The following HM13 variants were observed in gnomAD, a reference collection of about 807,000 sequenced individuals.
HM13 encodes signal peptide peptidase.
Under a neutral mutation model 50.0 loss-of-function variants are expected in HM13, and 18 were observed. The ratio of observed to expected loss-of-function variants is 0.36; its 90% CI spans 0.25 to 0.53. The LOEUF is 0.53. Among genes scored for constraint, HM13 ranks in the 20% least tolerant of loss-of-function variants. The probability of loss-of-function intolerance (pLI) is 0.90; values close to 1 mark genes in which losing one functional copy is unlikely to be tolerated. For missense variants in HM13, 393 were observed against 552.4 expected, an observed-to-expected ratio of 0.71 and a Z score of 2.89; for synonymous variants, 197 against 232.6, an observed-to-expected ratio of 0.85 and a Z score of 1.39.
At chr20:31,544,214 G>T (rs1248929353) in intron 3 of HM13, among the ~76,000 whole-genome samples, 1 of 152,214 alleles carries the variant, frequency 6.6e-6, no homozygotes, top group Non-Finnish European at 1.5e-5. Flanking sequence ...CCACTCCACA[G>T]TACTGCCACC....
At position 31,557,702 on chromosome 20, in the gene HM13, T is replaced by G. The variant is rs555702115; in HGVS notation, c.809-1909T>G. On this transcript the variant is annotated intron_variant, in intron 8 of 12. Coordinates refer to ENST00000398174, the MANE Select transcript of HM13 (RefSeq NM_178581.3). ...ATGTTGACAGTTGACAGGCAGTGCT[T>G]CTTTTTTTTTTTTTTTTTTTTTTTT... is the stretch of plus-strand genomic sequence containing the variant. Among the ~76,000 whole-genome samples, 459 of 143,634 alleles carry G rather than the reference T, an allele frequency of 3.2e-3. 3 individuals carry two copies. Among genetic ancestry groups the G allele is most frequent in the Non-Finnish European group, 3.3e-3 (224 of 67,002 alleles). The allele number at this position is 143,634 out of a possible 152,430, so 94.2% of individuals were successfully genotyped here.
chr20:31,561,783 G>C, intron 10 of HM13, 47 bp downstream of exon 10: 1 of 1,281,200 alleles, frequency 7.8e-7, no homozygotes, highest in Non-Finnish European at 1.1e-6. Context: ...ACTGCAAATA[G>C]AGGGACTTAC....
intron 2 of HM13, among the ~76,000 whole-genome samples, chr20:31,530,827 A>C (rs1194048474): frequency 6.6e-6 from 1 of 152,164 alleles, no homozygotes; most frequent in Non-Finnish European, 1.5e-5. Flanking sequence ...TCATACACAT[A>C]ATTTGTGCAC....
At chr20:31,542,620 C>T (rs1335068999) in intron 3 of HM13, among the ~76,000 whole-genome samples, 9 of 152,294 alleles carry the variant, frequency 5.9e-5, no homozygotes, top group South Asian at 2.1e-4. Context: ...GATGATGAGA[C>T]GGGGCCTCTA....
chr20:31,565,950 C>G (rs1254244930), intron 10 of HM13: 1 of 350,926 alleles, frequency 2.8e-6, no homozygotes, highest in Non-Finnish European at 5.2e-6. Flanking sequence ...CTAGGTGATT[C>G]AGATGCTGCC....
chr20:31,562,745 T>C (rs1984688989), intron 10 of HM13: 1 of 152,188 alleles, frequency 6.6e-6, no homozygotes, highest in African/African-American at 2.4e-5. Flanking sequence ...TTAGTCCTAG[T>C]ACAGTATTAC....
intron 2 of HM13, 26 bp downstream of exon 2, chr20:31,527,608 C>CTAA: frequency 6.9e-7 from 1 of 1,450,640 alleles, no homozygotes; most frequent in South Asian, 1.2e-5. Context: ...CCTGTTGTGT[C>CTAA]ATTTGATCTA....
chr20:31,549,479 C>T, intron 6 of HM13, 147 bp downstream of exon 6: 1 of 976,028 alleles, frequency 1.0e-6, no homozygotes, highest in Non-Finnish European at 1.6e-6. Context: ...CCTCTCTGGG[C>T]CCATCTGTGA....
In HM13 at chr20:31,569,269, G is replaced by T; in HGVS notation, c.*50G>T. On this transcript the variant is annotated 3_prime_UTR_variant, in exon 13 of 13. Coordinates refer to ENST00000398174, the MANE Select transcript of HM13 (RefSeq NM_178581.3). ...GGGCCAGACCAGACAGATGGGGGCT[G>T]GGCCCACACAGGCGTGCACCGGTAG... The T allele has an allele frequency of 7.6e-7, 1 of 1,312,872 alleles. No homozygotes were observed. Among genetic ancestry groups the T allele is most frequent in the Non-Finnish European group, 1.1e-6 (1 of 930,944 alleles). The allele number at this position is 1,312,872 out of a possible 1,614,324, so 81.3% of individuals were successfully genotyped here. A position where few individuals can be genotyped will look rare whatever the true frequency, so the allele number is the denominator to read the frequency against.
chr20:31,552,785 C>T (rs907875759), intron 7 of HM13, among the ~76,000 whole-genome samples: 4 of 152,080 alleles, frequency 2.6e-5, no homozygotes, highest in Non-Finnish European at 4.4e-5. Flanking sequence ...TAAATCACTG[C>T]GTTGTACATT....
At chr20:31,563,384 G>A (rs1984728544) in intron 10 of HM13, 1 of 152,386 alleles carries the variant, frequency 6.6e-6, no homozygotes, top group South Asian at 2.1e-4. Context: ...TTGTGCAGTG[G>A]TGTGATCTCA....
Position 31,549,188 on chromosome 20 carries a change from C to T in HM13, c.541-19C>T. ...AGGGTGGGTCACAGCAAGCTGGTCTCACTCCCCGCTTTCCTCAGCACTGGA... is the reference window on the plus strand; with the variant it reads ...AGGGTGGGTCACAGCAAGCTGGTCTTACTCCCCGCTTTCCTCAGCACTGGA... On this transcript the variant is annotated intron_variant, in intron 5 of 12. Coordinates refer to ENST00000398174, the MANE Select transcript of HM13 (RefSeq NM_178581.3). 1.2e-6 allele frequency: 2 copies of T among 1,614,180 alleles called. No homozygotes were observed. Among genetic ancestry groups the T allele is most frequent in the South Asian group, 2.2e-5 (2 of 91,086 alleles).
chr20:31,556,892 G>A (rs1481215539), intron 8 of HM13, among the ~76,000 whole-genome samples: 3 of 151,814 alleles, frequency 2.0e-5, no homozygotes, highest in East Asian at 1.9e-4. Context: ...AGTGGCGGGC[G>A]CGTGTAGTCC....
chr20:31,549,063 G>A lies in HM13; in HGVS notation c.489G>A (p.Leu163=). The A allele has an allele frequency of 4.3e-6, 7 of 1,614,140 alleles. No homozygotes were observed. The highest frequency in any genetic ancestry group is 5.9e-6 in the Non-Finnish European group (7 of 1,180,008). The change falls in exon 5 of 13, where the codon CTG becomes CTA. Residue 163 remains leucine (L), a synonymous_variant. Transcript: ENST00000398174. ...IINYEFDTKD[L]VCLGLSSIVG... is the part of the protein sequence containing the mutation. ...ATTATGAATTTGACACCAAGGACCT[G>A]GTGTGCCTGGGCCTGAGCAGCATCG...
intron 1 of HM13, among the ~76,000 whole-genome samples, chr20:31,517,444 T>C (rs1053739550): frequency 6.6e-6 from 1 of 152,118 alleles, no homozygotes; most frequent in Non-Finnish European, 1.5e-5. Flanking sequence ...CAGGACTGGG[T>C]GCCTGCTGTG....
intron 6 of HM13, among the ~76,000 whole-genome samples, chr20:31,549,629 A>G (rs6059929): frequency 0.27 from 40,376 of 152,082 alleles, 7,894 homozygotes; most frequent in African/African-American, 0.55. Context: ...TTGAGACTCA[A>G]AGAAGTTCAG....
At chr20:31,519,182 C>A (rs141778835) in intron 1 of HM13, among the ~76,000 whole-genome samples, 11 of 152,260 alleles carry the variant, frequency 7.2e-5, no homozygotes, top group Admixed American at 7.2e-4. Flanking sequence ...GCTCACTGCA[C>A]GCTCCATCTC....
intron 7 of HM13, 99 bp from the exon 8 acceptor site, chr20:31,554,647 A>G (rs1984209563): frequency 2.6e-5 from 24 of 926,834 alleles, no homozygotes; most frequent in Middle Eastern, 6.0e-4. Context: ...GCGCCACTGC[A>G]CTCCAGCCTG....
intron 8 of HM13, among the ~76,000 whole-genome samples, chr20:31,558,794 G>A (rs1984453948): frequency 6.6e-6 from 1 of 152,108 alleles, no homozygotes; most frequent in African/African-American, 2.4e-5. Context: ...CGTGATCTCG[G>A]CTCACTGCAA....
Sources: allele counts gnomAD v4.1 joint callset (sites outside exome capture counted in the v4.1 genomes callset), GRCh38; gene constraint gnomAD v4.1.1; transcripts MANE v1.5; gene names NCBI Gene and HGNC (gene_info 2026-07-23, HGNC 2026-07-21).